The following LRRD1 variants were observed in gnomAD, a reference collection of about 807,000 sequenced individuals.
The protein encoded by LRRD1 is leucine-rich repeat and death domain-containing protein 1.
A neutral mutation model predicts 69.5 loss-of-function variants in LRRD1; 49 were observed. The ratio of observed to expected loss-of-function variants is 0.70; its 90% CI spans 0.56 to 0.89. The LOEUF (loss-of-function observed/expected upper bound fraction) is 0.89, where lower values mean the gene tolerates loss of function less well. LRRD1 is among the 40% of genes least tolerant of loss of function. LRRD1 has a pLI of 0.00. For synonymous variants in LRRD1, 303 were observed against 338.9 expected (o/e 0.89, Z 1.16); for missense variants, 853 against 956.0 (o/e 0.89, Z 1.42).
chr7:92,169,551 T>C (rs1789003162), intron 1 of LRRD1, among the ~76,000 whole-genome samples: 1 of 151,854 alleles, frequency 6.6e-6, no homozygotes, highest in African/African-American at 2.4e-5. Context: ...CTTGGGAGGC[T>C]GAGGCAGATA....
chr7:92,164,339 T>C lies in LRRD1; in HGVS notation c.864A>G (p.Glu288=), dbSNP rs1788855583. 5.2e-6 allele frequency: 8 copies of C among 1,550,636 alleles called. No individual in the cohort carries two copies. Among genetic ancestry groups the C allele is most frequent in the African/African-American group, 4.1e-5 (3 of 73,134 alleles). ...SLKTLRVLNL[E]YNQLTTFPKA... ...TAGGAAATGTTGTTAACTGATTATATTCCAAATTGAGAACCCTCAAGGTTT... is the reference window on the plus strand; with the variant it reads ...TAGGAAATGTTGTTAACTGATTATACTCCAAATTGAGAACCCTCAAGGTTT... Residue 288 remains glutamate (E), a synonymous_variant, in exon 2 of 6, where the codon GAA becomes GAG. Transcript: ENST00000458448.
chr7:92,163,342 G>A lies in LRRD1; in HGVS notation c.1861C>T (p.Leu621=). The part of the protein sequence containing the change: ...SNQFIHFPIE[L]CQLQSLEQLN... ...TGTTCCAGTGATTGAAGTTGGCACA[G>A]TTCAATAGGAAAATGTATAAATTGA... is the stretch of plus-strand genomic sequence containing the variant. Residue 621 remains leucine (L), a synonymous_variant, in exon 2 of 6, where the codon CTG becomes TTG. Coordinates refer to ENST00000458448, the MANE Select transcript of LRRD1 (RefSeq NM_001161528.2). The A allele has an allele frequency of 6.5e-7, 1 of 1,536,458 alleles. No homozygotes were observed. Among genetic ancestry groups the A allele is most frequent in the Admixed American group, 2.2e-5 (1 of 46,488 alleles).
intron 3 of LRRD1, among the ~76,000 whole-genome samples, chr7:92,157,029 C>CTTTTT (rs34543093): frequency 3.6e-5 from 4 of 111,780 alleles, no homozygotes; most frequent in South Asian, 3.1e-4. Context: ...ATGATATTTG[C>CTTTTT]TTTTTTTTTT....
Position 92,165,091 on chromosome 7 carries a change from T to C in LRRD1, c.112A>G (p.Asn38Asp), listed in dbSNP as rs969153121. The C allele has an allele frequency of 1.9e-6, 3 of 1,551,598 alleles. No homozygotes were observed. The highest frequency in any genetic ancestry group is 2.6e-6 in the Non-Finnish European group (3 of 1,146,952). The part of the protein sequence containing the change: ...KEPGFIKETS[N>D]LINEASDYLE... ...TAATCAGAAGCTTCGTTTATCAAAT[T>C]TGATGTTTCTTTAATAAAGCCAGGC... Residue 38 changes from asparagine to aspartate, a missense_variant, in exon 2 of 6, where the codon AAT (asparagine) becomes GAT (aspartate). Asn to Asp is a conservative substitution (Grantham distance 23, BLOSUM62 1). Around this residue, in one of 3 missense-constraint regions of LRRD1, gnomAD observed 99 missense variants for 107.0 expected, o/e 0.92. Coordinates refer to ENST00000458448, the MANE Select transcript of LRRD1 (RefSeq NM_001161528.2).
In LRRD1 at chr7:92,164,309, A is replaced by C; in HGVS notation, c.894T>G (p.Ala298=). ...EYNQLTTFPK[A]LCFLPKLISL... ...AAATTAACTTTGGAAGGAAGCAGAG[A>C]GCTTTAGGAAATGTTGTTAACTGAT... The change falls in exon 2 of 6, where the codon GCT becomes GCG. Residue 298 remains alanine (A), a synonymous_variant. Coordinates refer to ENST00000458448, the MANE Select transcript of LRRD1 (RefSeq NM_001161528.2). 1 of 1,550,968 alleles carries C rather than the reference A, an allele frequency of 6.4e-7. No homozygotes were observed.
chr7:92,170,758 AGCAC>A lies in LRRD1; in HGVS notation c.-74-5486_-74-5483del, dbSNP rs1358610636. On this transcript the variant is annotated intron_variant, in intron 1 of 5. Coordinates refer to ENST00000458448, the MANE Select transcript of LRRD1 (RefSeq NM_001161528.2). Reference sequence around the variant, plus strand: ...CTGCACAATACACATTCTTTTCATTAGCACTTGGGACATCCCACAGAATAGACAA... The same window carrying A: ...CTGCACAATACACATTCTTTTCATTATTGGGACATCCCACAGAATAGACAA... 2.6e-5 allele frequency among the ~76,000 whole-genome samples: 4 copies of A among 152,362 alleles called. No individual in the cohort carries two copies. The East Asian group carries it at 7.7e-4, about 29-fold the overall frequency.
rs1199145086 is a variant in LRRD1, at chr7:92,159,100, C to A, written c.2021G>T (p.Arg674Ile). 2 of 1,546,884 alleles carry A rather than the reference C, an allele frequency of 1.3e-6. No individual in the cohort carries two copies. Among genetic ancestry groups the A allele is most frequent in the Non-Finnish European group, 1.7e-6 (2 of 1,145,008 alleles). ...GTATGCATGTAAACTAACCAAATTTCTCAATTCTCCTATATTTCTTGGAAT... is the reference window on the plus strand; with the variant it reads ...GTATGCATGTAAACTAACCAAATTTATCAATTCTCCTATATTTCTTGGAAT... ...REIPRNIGEL[R>I]NLVSLHAYNN... is the part of the protein sequence containing the mutation. Residue 674 changes from arginine to isoleucine, a missense_variant, in exon 3 of 6, where the codon AGA becomes ATA. Arg to Ile is a moderately conservative substitution (Grantham distance 97). Around this residue, in one of 3 missense-constraint regions of LRRD1, gnomAD observed 739 missense variants for 808.0 expected, o/e 0.91. Coordinates refer to ENST00000458448, the MANE Select transcript of LRRD1 (RefSeq NM_001161528.2).
intron 1 of LRRD1, among the ~76,000 whole-genome samples, chr7:92,167,223 G>C (rs1788931809): frequency 6.6e-6 from 1 of 151,658 alleles, no homozygotes; most frequent in South Asian, 2.1e-4. Flanking sequence ...AGCCTCCTGA[G>C]TAGCTGGGAC....
At chr7:92,171,596 T>TAA (rs1329905106) in intron 1 of LRRD1, among the ~76,000 whole-genome samples, 1 of 151,930 alleles carries the variant, frequency 6.6e-6, no homozygotes, top group African/African-American at 2.4e-5. Context: ...ACCAAACATT[T>TAA]AAAAAAGAAT....
At chr7:92,150,429 C>T in intron 4 of LRRD1, 105 bp downstream of exon 4, 1 of 975,954 alleles carries the variant, frequency 1.0e-6, no homozygotes, top group East Asian at 2.8e-5. Flanking sequence ...CATGCCACTG[C>T]AGTCCAGCCT....
intron 5 of LRRD1, 56 bp from the exon 6 acceptor site, chr7:92,145,130 T>G (rs1820286713): frequency 1.2e-6 from 1 of 861,648 alleles, no homozygotes. Context: ...GTTTAATATA[T>G]TTAAATTACT....
At chr7:92,144,191 G>T (rs1437505511), downstream of LRRD1, among the ~76,000 whole-genome samples, 1 of 152,186 alleles carries the variant, frequency 6.6e-6, no homozygotes, top group African/African-American at 2.4e-5. Context: ...GAAAAAGTAG[G>T]AATGGTATAT....
At chr7:92,151,752 C>T (rs1820472487) in intron 3 of LRRD1, among the ~76,000 whole-genome samples, 1 of 151,938 alleles carries the variant, frequency 6.6e-6, no homozygotes, top group African/African-American at 2.4e-5. Flanking sequence ...GGTTCAAGAC[C>T]AGCCTGGCCA....
intron 3 of LRRD1, among the ~76,000 whole-genome samples, chr7:92,157,029 CT>C (rs34543093): frequency 0.03 from 3,314 of 111,736 alleles, 69 homozygotes; most frequent in African/African-American, 0.097. Flanking sequence ...ATGATATTTG[CT>C]TTTTTTTTTT....
downstream of LRRD1, chr7:92,142,313 T>C (rs1490877131): frequency 2.1e-5 from 8 of 378,384 alleles, no homozygotes; most frequent in African/African-American, 1.1e-4. Flanking sequence ...GTCACACTCC[T>C]TAAGTGGGTG....
chr7:92,148,685 A>G (rs1341890367), intron 4 of LRRD1, among the ~76,000 whole-genome samples: 1 of 152,172 alleles, frequency 6.6e-6, no homozygotes, highest in Non-Finnish European at 1.5e-5. Context: ...TATCTAACAG[A>G]AATACTTTAT....
At chr7:92,142,550 G>C (rs1349849990), downstream of LRRD1, 1 of 456,160 alleles carries the variant, frequency 2.2e-6, no homozygotes, top group Non-Finnish European at 4.4e-6. Context: ...AATTGTGTCC[G>C]GAATTGGTGG....
At chr7:92,142,038 G>C (rs1196756648), downstream of LRRD1, 1 of 167,326 alleles carries the variant, frequency 6.0e-6, no homozygotes, top group East Asian at 1.7e-4. Context: ...TGCCTCCTGA[G>C]TTCACGCCAT....
intron 1 of LRRD1, among the ~76,000 whole-genome samples, chr7:92,174,503 A>ATATATG (rs1554483882): frequency 8.0e-4 from 16 of 20,118 alleles, no homozygotes; most frequent in South Asian, 3.4e-3. Context: ...ATATATATAT[A>ATATATG]TATATATTTT....
Sources: gnomAD v4.1 joint callset for allele counts (sites outside exome capture counted in the v4.1 genomes callset) on GRCh38, gnomAD v4.1.1 for gene constraint, gnomAD v4.1.1 regional missense constraint, MANE v1.5 for transcripts, NCBI Gene and HGNC (gene_info 2026-07-23, HGNC 2026-07-21) for gene names.